PACSIN2: variants seen among roughly 807,000 people sequenced by gnomAD.
The protein encoded by PACSIN2 is protein kinase C and casein kinase substrate in neurons protein 2.
Under a neutral mutation model 63.8 loss-of-function variants are expected in PACSIN2, and 25 were observed. The observed-to-expected ratio is 0.39, with a 90% confidence interval of 0.29 to 0.55. The LOEUF is 0.55. PACSIN2 is among the 20% of genes least tolerant of loss of function. The pLI is 0.62. For missense variants in PACSIN2, 518 were observed against 646.9 expected (o/e 0.80, Z 2.16); for synonymous variants, 255 against 256.2 (o/e 1.00, Z 0.05).
chr22:43,014,244 G>A (rs1924695876), intron 1 of PACSIN2, among the ~76,000 whole-genome samples: 1 of 150,546 alleles, frequency 6.6e-6, no homozygotes, highest in Non-Finnish European at 1.5e-5. Flanking sequence ...AGGGTCACAA[G>A]GGCAAACCTC....
chr22:42,965,696 G>A (rs1157807225), intron 1 of PACSIN2, among the ~76,000 whole-genome samples: 4 of 152,106 alleles, frequency 2.6e-5, no homozygotes, highest in Non-Finnish European at 5.9e-5. Flanking sequence ...GATCCAAATG[G>A]TCCACTTTCT....
chr22:42,944,931 C>T (rs941620532), intron 1 of PACSIN2, among the ~76,000 whole-genome samples: 1 of 152,036 alleles, frequency 6.6e-6, no homozygotes, highest in Non-Finnish European at 1.5e-5. Context: ...AACCCTATGT[C>T]TACTAAAAAT....
In PACSIN2 at chr22:42,870,944, C is replaced by A; in HGVS notation, c.*413G>T. ...TGTACACAGCCTTTAAATTAAAAACCTCAAAATCTTCACTCAAAATGGGAT... is the reference window on the plus strand; with the variant it reads ...TGTACACAGCCTTTAAATTAAAAACATCAAAATCTTCACTCAAAATGGGAT... On this transcript the variant is annotated 3_prime_UTR_variant, in exon 11 of 11. Transcript: ENST00000263246. 1.0e-5 allele frequency: 2 copies of A among 200,140 alleles called. No homozygotes were observed. Among genetic ancestry groups the A allele is most frequent in the Non-Finnish European group, 2.1e-5 (2 of 95,912 alleles). The allele number at this position is 200,140 out of a possible 1,614,324, so 12.4% of individuals were successfully genotyped here. A position where few individuals can be genotyped will look rare whatever the true frequency, so the allele number is the denominator to read the frequency against.
chr22:43,003,366 G>A (rs942354005), intron 1 of PACSIN2, among the ~76,000 whole-genome samples: 47 of 152,262 alleles, frequency 3.1e-4, no homozygotes, highest in African/African-American at 1.1e-3. Flanking sequence ...CAGCACTTCG[G>A]GAGGCCAAGG....
At chr22:42,966,467 A>G (rs1271696353) in intron 1 of PACSIN2, among the ~76,000 whole-genome samples, 5 of 152,236 alleles carry the variant, frequency 3.3e-5, no homozygotes, top group Non-Finnish European at 7.3e-5. Flanking sequence ...AGAAGGTCCC[A>G]GGACAAAGCA....
intron 1 of PACSIN2, among the ~76,000 whole-genome samples, chr22:42,994,140 GA>G (rs1165941110): frequency 6.6e-6 from 1 of 152,206 alleles, no homozygotes; most frequent in Non-Finnish European, 1.5e-5. Flanking sequence ...CAAAAGCCAA[GA>G]GATGTCATCA....
At chr22:42,927,041 G>A (rs1416112907) in intron 1 of PACSIN2, among the ~76,000 whole-genome samples, 1 of 152,134 alleles carries the variant, frequency 6.6e-6, no homozygotes, top group Non-Finnish European at 1.5e-5. Context: ...AAGTCCAAAT[G>A]TTGGCTAGCA....
At chr22:42,935,877 G>A (rs930975193) in intron 1 of PACSIN2, among the ~76,000 whole-genome samples, 9 of 152,056 alleles carry the variant, frequency 5.9e-5, no homozygotes, top group Admixed American at 1.3e-4. Context: ...TACTGGCCAC[G>A]TTACCCAGGT....
intron 2 of PACSIN2, among the ~76,000 whole-genome samples, chr22:42,898,261 G>C (rs950673834): frequency 6.7e-6 from 1 of 148,842 alleles, no homozygotes; most frequent in African/African-American, 2.5e-5. Flanking sequence ...TTGGGAAAGA[G>C]AACCTCCTTC....
intron 1 of PACSIN2, among the ~76,000 whole-genome samples, chr22:42,935,738 G>A (rs1932897565): frequency 6.6e-6 from 1 of 151,988 alleles, no homozygotes; most frequent in South Asian, 2.1e-4. Flanking sequence ...AAACACACTG[G>A]TCCCGAGGGA....
chr22:43,005,747 T>C (rs1924050330), intron 1 of PACSIN2, among the ~76,000 whole-genome samples: 1 of 152,190 alleles, frequency 6.6e-6, no homozygotes, highest in Non-Finnish European at 1.5e-5. Flanking sequence ...GCACACATGC[T>C]GGGCTCCTGG....
intron 1 of PACSIN2, among the ~76,000 whole-genome samples, chr22:42,924,037 G>T (rs918207984): frequency 2.0e-5 from 3 of 150,262 alleles, no homozygotes; most frequent in African/African-American, 7.4e-5. Flanking sequence ...GCGAGACCTG[G>T]TCTCTTTAAA....
At chr22:42,881,906 G>C (rs1374476216) in intron 7 of PACSIN2, among the ~76,000 whole-genome samples, 4 of 152,172 alleles carry the variant, frequency 2.6e-5, no homozygotes, top group Non-Finnish European at 5.9e-5. Flanking sequence ...TAGGAAGGAA[G>C]GGAATGCCAG....
chr22:42,958,560 C>T (rs1368592536), intron 1 of PACSIN2, among the ~76,000 whole-genome samples: 2 of 151,960 alleles, frequency 1.3e-5, no homozygotes, highest in Non-Finnish European at 2.9e-5. Flanking sequence ...GTTTTACTGA[C>T]AAGAAGGAAG....
rs1025939474 is a variant in PACSIN2, at chr22:42,871,047, C to T, written c.*310G>A. ...AGTGGAACAAGATCAGTGTAACCCA[C>T]CATTGACTCGGAAAGGAGAGACAAA... On this transcript the variant is annotated 3_prime_UTR_variant, in exon 11 of 11. Transcript: ENST00000263246. This position sits in a 1 kb window ranked among gnomAD's most constrained non-coding sequence, Gnocchi z 5.4. 2.6e-6 allele frequency: 1 copy of T among 382,190 alleles called. No homozygotes were observed. Among genetic ancestry groups the T allele is most frequent in the African/African-American group, 2.0e-5 (1 of 49,512 alleles). 23.7% of individuals were successfully genotyped at this position (382,190 alleles called of 1,614,324 possible). A position where few individuals can be genotyped will look rare whatever the true frequency, so the allele number is the denominator to read the frequency against.
chr22:42,993,254 G>A (rs535663389), intron 1 of PACSIN2, among the ~76,000 whole-genome samples: 270 of 152,222 alleles, frequency 1.8e-3, no homozygotes, highest in Non-Finnish European at 3.4e-3. Context: ...AAATGCAAAT[G>A]ATTCTACAGT....
chr22:42,991,814 A>C lies in PACSIN2; in HGVS notation c.-78+23207T>G, dbSNP rs79741935. ...TGAAACAACTGGCTATCCACAGACA[A>C]AAAAAAAAAAAAAAAACCTTCAATT... On this transcript the variant is annotated intron_variant, in intron 1 of 10. Coordinates refer to ENST00000263246, the MANE Select transcript of PACSIN2 (RefSeq NM_001184970.3). Among the ~76,000 whole-genome samples the C allele has an allele frequency of 2.4e-4, 5 of 20,588 alleles. No individual in the cohort carries two copies. In the African/African-American group the frequency reaches 4.2e-3, roughly 17 times the overall value. 13.5% of individuals were successfully genotyped at this position (20,588 alleles called of 152,430 possible). A position where few individuals can be genotyped will look rare whatever the true frequency, so the allele number is the denominator to read the frequency against.
intron 3 of PACSIN2, among the ~76,000 whole-genome samples, chr22:42,893,169 C>G (rs1930032907): frequency 6.6e-6 from 1 of 152,180 alleles, no homozygotes; most frequent in African/African-American, 2.4e-5. Flanking sequence ...AGGAACTTAC[C>G]CGAGTTCTGA....
chr22:42,954,429 C>G (rs1388776960), intron 1 of PACSIN2, among the ~76,000 whole-genome samples: 1 of 152,054 alleles, frequency 6.6e-6, no homozygotes, highest in Non-Finnish European at 1.5e-5. Context: ...CAGGGTGTCC[C>G]TCTGTCATTC....
Sources: gnomAD v4.1 joint callset for allele counts (sites outside exome capture counted in the v4.1 genomes callset) on GRCh38, gnomAD v4.1.1 for gene constraint, Gnocchi (gnomAD v3.1) non-coding constraint, MANE v1.5 for transcripts, NCBI Gene and HGNC (gene_info 2026-07-23, HGNC 2026-07-21) for gene names.